VAV3: variants seen among roughly 807,000 people sequenced by gnomAD.
The protein encoded by VAV3 is guanine nucleotide exchange factor VAV3.
VAV3 carries 94 observed loss-of-function variants against 131.2 expected under a neutral mutation model. The observed-to-expected ratio is 0.72, with a 90% confidence interval of 0.61 to 0.85. The LOEUF is 0.85. Among genes scored for constraint, VAV3 ranks in the 40% least tolerant of loss-of-function variants. The probability of loss-of-function intolerance (pLI) is 0.00; values close to 1 mark genes in which losing one functional copy is unlikely to be tolerated. For missense variants in VAV3, 939 were observed against 1,002.7 expected (o/e 0.94, Z 0.86); for synonymous variants, 349 against 342.0 (o/e 1.02, Z -0.22).
At chr1:107,587,630 G>A (rs1215001137) in intron 25 of VAV3, among the ~76,000 whole-genome samples, 1 of 152,120 alleles carries the variant, frequency 6.6e-6, no homozygotes, top group Non-Finnish European at 1.5e-5. Flanking sequence ...TCCCTCTGTT[G>A]CCCATGCTGG....
chr1:107,884,462 G>A (rs1316473863), intron 1 of VAV3, among the ~76,000 whole-genome samples: 3 of 144,950 alleles, frequency 2.1e-5, no homozygotes, highest in Non-Finnish European at 4.5e-5. Context: ...TTTGAGACAG[G>A]TTCTTTCTTG....
At chr1:107,922,820 C>T (rs1321472121) in intron 1 of VAV3, among the ~76,000 whole-genome samples, 7 of 151,746 alleles carry the variant, frequency 4.6e-5, no homozygotes, top group South Asian at 2.1e-4. Context: ...GGCGTGGTGG[C>T]GGGCGCCTGT....
intron 22 of VAV3, among the ~76,000 whole-genome samples, chr1:107,605,988 C>T (rs1652235075): frequency 6.6e-6 from 1 of 152,172 alleles, no homozygotes; most frequent in African/African-American, 2.4e-5. Flanking sequence ...CCACGCTCTT[C>T]TAATTGATAC....
intron 17 of VAV3, among the ~76,000 whole-genome samples, chr1:107,694,783 C>T (rs1471170999): frequency 6.6e-6 from 1 of 152,210 alleles, no homozygotes; most frequent in African/African-American, 2.4e-5. Context: ...CATTCACTCA[C>T]TCCATTCCTC....
intron 4 of VAV3, among the ~76,000 whole-genome samples, chr1:107,776,774 CTT>C (rs1274864243): frequency 6.6e-6 from 1 of 152,202 alleles, no homozygotes; most frequent in Non-Finnish European, 1.5e-5. Context: ...TTTTGCCTCT[CTT>C]GACTATTAAA....
intron 17 of VAV3, among the ~76,000 whole-genome samples, chr1:107,699,858 T>G (rs1294649527): frequency 6.6e-6 from 1 of 151,088 alleles, no homozygotes; most frequent in Non-Finnish European, 1.5e-5. Context: ...AGGAGGAGGG[T>G]GAGGTCAATG....
chr1:107,753,549 T>TATATATATACACACAC (rs771773884), intron 12 of VAV3, among the ~76,000 whole-genome samples: 13 of 82,046 alleles, frequency 1.6e-4, no homozygotes, highest in East Asian at 1.5e-3. Context: ...TATATATATA[T>TATATATATACACACAC]ACACACACAC....
At chr1:107,901,359 C>G (rs1237702094) in intron 1 of VAV3, among the ~76,000 whole-genome samples, 1 of 152,210 alleles carries the variant, frequency 6.6e-6, no homozygotes, top group African/African-American at 2.4e-5. Flanking sequence ...AAAAAAATCA[C>G]AAGAATATTC....
chr1:107,642,870 C>A, intron 19 of VAV3, 115 bp from the exon 20 acceptor site: 2 of 1,401,700 alleles, frequency 1.4e-6, no homozygotes, highest in South Asian at 1.4e-5. Flanking sequence ...CCACCAAGTC[C>A]AAGTAAACAT....
At chr1:107,749,621 T>A (rs1275747612) in intron 13 of VAV3, 27 bp from the exon 14 acceptor site, 1 of 1,604,352 alleles carries the variant, frequency 6.2e-7, no homozygotes, top group Non-Finnish European at 8.5e-7. Flanking sequence ...GATTGATTGA[T>A]TTTAAATGGT....
intron 12 of VAV3, among the ~76,000 whole-genome samples, chr1:107,753,549 T>TATACACAC (rs771773884): frequency 3.7e-5 from 3 of 82,068 alleles, no homozygotes; most frequent in African/African-American, 1.4e-4. Context: ...TATATATATA[T>TATACACAC]ACACACACAC....
Position 107,757,261 on chromosome 1 carries a change from C to A in VAV3, c.1086G>T (p.Lys362Asn). ...CAAATTACTGATGAATCTGCCCTAC[C>A]TTCATGGCATCAAGAGCCAGTTTCA... ...ANLKLALDAM[K>N]DLAQYVNEVK... is the part of the protein sequence containing the mutation. Residue 362 changes from lysine (K) to asparagine (N), a missense_variant and splice_region_variant, in exon 11 of 27, where the codon AAG (lysine) becomes AAT (asparagine). Physicochemically the swap from Lys to Asn is moderately conservative, Grantham distance 94. Transcript: ENST00000370056. The A allele has an allele frequency of 6.2e-7, 1 of 1,612,244 alleles. No homozygotes were observed. Among genetic ancestry groups the A allele is most frequent in the Non-Finnish European group, 8.5e-7 (1 of 1,179,376 alleles).
intron 11 of VAV3, among the ~76,000 whole-genome samples, chr1:107,756,206 T>C (rs761910949): frequency 7.9e-5 from 12 of 152,188 alleles, no homozygotes; most frequent in Admixed American, 2.6e-4. Context: ...GAGGAAACAT[T>C]AGCTAATCTT....
At chr1:107,675,699 C>T (rs936841868) in intron 19 of VAV3, among the ~76,000 whole-genome samples, 2 of 152,220 alleles carry the variant, frequency 1.3e-5, no homozygotes, top group Non-Finnish European at 1.5e-5. Flanking sequence ...AATTCTGTCC[C>T]CACAAAACAT....
chr1:107,885,021 G>A (rs960401758), intron 1 of VAV3, among the ~76,000 whole-genome samples: 3 of 152,246 alleles, frequency 2.0e-5, no homozygotes, highest in South Asian at 2.1e-4. Flanking sequence ...AGTGGTGGTC[G>A]TAGCAGCTGC....
chr1:107,774,071 T>C (rs1474191702), intron 4 of VAV3, among the ~76,000 whole-genome samples: 2 of 149,568 alleles, frequency 1.3e-5, no homozygotes, highest in East Asian at 2.0e-4. Context: ...ATTTTTGCTG[T>C]TGTTGTTGTT....
chr1:107,728,600 C>CGTATACGTATACGTGTACGTATAT (rs375667378), intron 15 of VAV3, among the ~76,000 whole-genome samples: 1 of 136,908 alleles, frequency 7.3e-6, no homozygotes, highest in South Asian at 2.6e-4. Flanking sequence ...TATACGTATA[C>CGTATACGTATACGTGTACGTATAT]GTATATGTAT....
chr1:107,779,390 C>T (rs1292693835), intron 3 of VAV3, 44 bp downstream of exon 3: 1 of 1,522,098 alleles, frequency 6.6e-7, no homozygotes, highest in Admixed American at 2.0e-5. Flanking sequence ...AGAATCATTA[C>T]ACTGAACTCA....
At chr1:107,577,204 G>C (rs761440701) in intron 25 of VAV3, among the ~76,000 whole-genome samples, 3 of 152,216 alleles carry the variant, frequency 2.0e-5, no homozygotes, top group Non-Finnish European at 4.4e-5. Context: ...ACAGCTCTAA[G>C]AGGAAGGTAC....
Sources: allele counts gnomAD v4.1 joint callset (sites outside exome capture counted in the v4.1 genomes callset), GRCh38; gene constraint gnomAD v4.1.1; transcripts MANE v1.5; gene names NCBI Gene and HGNC (gene_info 2026-07-23, HGNC 2026-07-21).